Variants in PRRC2A observed in about 807,000 individuals in gnomAD.
The protein encoded by PRRC2A is protein PRRC2A.
A neutral mutation model predicts 224.6 loss-of-function variants in PRRC2A; 59 were observed. The ratio of observed to expected loss-of-function variants is 0.26; its 90% CI spans 0.21 to 0.33. The LOEUF is 0.33. PRRC2A is among the 10% of genes least tolerant of loss of function. PRRC2A has a pLI of 1.00. For synonymous variants in PRRC2A, 1,194 were observed against 1,109.5 expected, an observed-to-expected ratio of 1.08 and a Z score of -1.51; for missense variants, 3,095 against 2,880.7, an observed-to-expected ratio of 1.07 and a Z score of -1.70.
At chr6:31,633,691 G>A (rs1776958671) in intron 17 of PRRC2A, 44 bp downstream of exon 17, 4 of 1,571,976 alleles carry the variant, frequency 2.5e-6, no homozygotes, top group African/African-American at 1.4e-5. Context: ...CATCCCCAGA[G>A]AAGGTCAAGT....
In PRRC2A at chr6:31,634,955, C is replaced by T. The variant is rs986031695; in HGVS notation, c.5138C>T (p.Ala1713Val). The change falls in exon 21 of 31, where the codon GCC becomes GTC. Residue 1713 changes from alanine (A) to valine (V), a missense_variant. This residue lies in a region of PRRC2A where 662 missense variants were observed against 609.5 expected (regional missense o/e 1.09). Transcript: ENST00000376033. ...GAACCTCCTAGGAGACCACCACCTG[C>T]CCCCCACGATGGGGACAGAAAGGTA... ...GSEPPRRPPP[A>V]PHDGDRKELP... 3 of 1,612,600 alleles carry T rather than the reference C, an allele frequency of 1.9e-6. No homozygotes were observed. The highest frequency in any genetic ancestry group is 2.7e-5 in the African/African-American group (2 of 75,032).
At position 31,637,118 on chromosome 6, in the gene PRRC2A, G is replaced by C. The variant is rs770640364; in HGVS notation, c.6224G>C (p.Arg2075Pro). 6.2e-7 allele frequency: 1 copy of C among 1,610,890 alleles called. No homozygotes were observed. Among genetic ancestry groups the C allele is most frequent in the South Asian group, 1.1e-5 (1 of 90,816 alleles). Residue 2075 changes from arginine (R) to proline (P), a missense_variant, in exon 29 of 31, where the codon CGG becomes CCG. Arg to Pro is a moderately radical substitution (Grantham distance 103). Coordinates refer to ENST00000376033, the MANE Select transcript of PRRC2A (RefSeq NM_004638.4). ...AACCTTGGGGGACCTGGATCATCAC[G>C]GACTCCCCCAACTGGAAGGTGAAAC... ...SSNLGGPGSSRTPPTGRSFSG... is the reference protein window; with the variant it reads ...SSNLGGPGSSPTPPTGRSFSG...
chr6:31,623,695 G>A (rs758759890), intron 2 of PRRC2A, 37 bp from the exon 3 acceptor site: 2 of 1,606,880 alleles, frequency 1.2e-6, no homozygotes, highest in Non-Finnish European at 1.7e-6. Flanking sequence ...TCTCCCACAT[G>A]AGGCATTTTC....
chr6:31,627,790 C>T lies in PRRC2A; in HGVS notation c.1316C>T (p.Pro439Leu), dbSNP rs549252733. 2.7e-5 allele frequency: 43 copies of T among 1,612,892 alleles called. No individual in the cohort carries two copies. Among genetic ancestry groups the T allele is most frequent in the Admixed American group, 3.3e-5 (2 of 60,032 alleles). ...GATCGTGGGGGTCCTCCCTGCAAGC[C>T]CCCAGCACCTGAAGATGAGGATGAG... is the stretch of plus-strand genomic sequence containing the variant. ...YPDRGGPPCK[P>L]PAPEDEDEAW... is the part of the protein sequence containing the mutation. Residue 439 changes from proline to leucine, a missense_variant, in exon 12 of 31, where the codon CCC becomes CTC. Physicochemically the swap from Pro to Leu is moderately conservative, Grantham distance 98. Transcript: ENST00000376033. The surrounding 1 kb of genome is among the most constrained non-coding windows in gnomAD (Gnocchi z 5.6).
intron 18 of PRRC2A, 30 bp downstream of exon 18, chr6:31,634,019 C>G (rs1489970264): frequency 1.3e-6 from 2 of 1,593,992 alleles, no homozygotes; most frequent in South Asian, 1.1e-5. Context: ...TTGTGCTTCA[C>G]TGCACTCTTA....
chr6:31,635,733 G>A lies in PRRC2A; in HGVS notation c.5525G>A (p.Gly1842Glu). The A allele has an allele frequency of 6.3e-7, 1 of 1,590,232 alleles. No individual in the cohort carries two copies. The highest frequency in any genetic ancestry group is 8.6e-7 in the Non-Finnish European group (1 of 1,169,360). ...CCTGAGGTTTTCTATGGCAGTGCTG[G>A]GCCTTCCAGTTCTCAGGTAGGCCCC... ...LYPEVFYGSA[G>E]PSSSQISGGA... Residue 1842 changes from glycine (G) to glutamate (E), a missense_variant, in exon 24 of 31, where the codon GGG (glycine) becomes GAG (glutamate). Gly to Glu is a moderately conservative substitution (Grantham distance 98). Around this residue, in one of 8 missense-constraint regions of PRRC2A, gnomAD observed 662 missense variants for 609.5 expected, o/e 1.09. Coordinates refer to ENST00000376033, the MANE Select transcript of PRRC2A (RefSeq NM_004638.4).
intron 5 of PRRC2A, 89 bp downstream of exon 5, chr6:31,624,611 C>A: frequency 7.0e-7 from 1 of 1,418,570 alleles, no homozygotes; most frequent in Non-Finnish European, 9.9e-7. Flanking sequence ...TGACCTTGGT[C>A]CTCTTTGGCT....
chr6:31,622,682 C>A lies in PRRC2A; in HGVS notation c.-100-8C>A. 1 of 762,010 alleles carries A rather than the reference C, an allele frequency of 1.3e-6. No individual in the cohort carries two copies. The highest frequency in any genetic ancestry group is 2.2e-6 in the Non-Finnish European group (1 of 445,472). The allele number at this position is 762,010 out of a possible 1,614,324, so 47.2% of individuals were successfully genotyped here. ...GGAGTTTTTAAGTTTCTGTTATGGT[C>A]TGTACAGGGGACAGAGACTGAGACA... On this transcript the variant is annotated splice_region_variant and splice_polypyrimidine_tract_variant and intron_variant, in intron 1 of 30. Transcript: ENST00000376033.
intron 9 of PRRC2A, 21 bp from the exon 10 acceptor site, chr6:31,626,751 A>C: frequency 1.3e-5 from 20 of 1,557,530 alleles, no homozygotes; most frequent in Non-Finnish European, 1.7e-5. Flanking sequence ...TTGGGTTACT[A>C]ATACTCATAT....
intron 1 of PRRC2A, 136 bp downstream of exon 1, chr6:31,620,994 C>T (rs975681793): frequency 1.6e-4 from 25 of 154,496 alleles, no homozygotes; most frequent in South Asian, 8.4e-4. Context: ...TTTTGTCCTC[C>T]TGCTGCCGGG....
chr6:31,631,071 G>T lies in PRRC2A; in HGVS notation c.2466-68G>T. The T allele has an allele frequency of 7.2e-7, 1 of 1,389,990 alleles. No homozygotes were observed. The highest frequency in any genetic ancestry group is 9.8e-7 in the Non-Finnish European group (1 of 1,023,788). The allele number at this position is 1,389,990 out of a possible 1,614,324, so 86.1% of individuals were successfully genotyped here. On this transcript the variant is annotated intron_variant, in intron 15 of 30. Coordinates refer to ENST00000376033, the MANE Select transcript of PRRC2A (RefSeq NM_004638.4). This position sits in a 1 kb window ranked among gnomAD's most constrained non-coding sequence, Gnocchi z 4.5. ...AAGAGAGTCTGCATCATAATAAAGT[G>T]TTCTTTTCCCACCTAGTTCTGGTTT...
At chr6:31,626,718 C>T (rs1289323256) in intron 9 of PRRC2A, 54 bp from the exon 10 acceptor site, 4 of 1,485,308 alleles carry the variant, frequency 2.7e-6, no homozygotes, top group East Asian at 2.5e-5. Context: ...CAGACTACCT[C>T]CCAAGATTGG....
intron 1 of PRRC2A, among the ~76,000 whole-genome samples, chr6:31,622,283 A>G (rs996012789): frequency 1.3e-5 from 2 of 152,248 alleles, no homozygotes; most frequent in Non-Finnish European, 2.9e-5. Context: ...CTTGTGTCCA[A>G]TAAACAGGGA....
chr6:31,626,877 T>C lies in PRRC2A; in HGVS notation c.1073+15T>C. The C allele has an allele frequency of 6.2e-7, 1 of 1,612,202 alleles. No individual in the cohort carries two copies. The highest frequency in any genetic ancestry group is 8.5e-7 in the Non-Finnish European group (1 of 1,179,210). On this transcript the variant is annotated intron_variant, in intron 10 of 30. Transcript: ENST00000376033. ...GCTGAGGGCCAGTGAGTTAGGGCCATCAGGGGAGAAGAGGAGGGGGTCTTG... is the reference window on the plus strand; with the variant it reads ...GCTGAGGGCCAGTGAGTTAGGGCCACCAGGGGAGAAGAGGAGGGGGTCTTG...
Position 31,631,015 on chromosome 6 carries a change from A to G in PRRC2A, c.2466-124A>G, listed in dbSNP as rs79814110. On this transcript the variant is annotated intron_variant, in intron 15 of 30. Transcript: ENST00000376033. The surrounding 1 kb of genome is among the most constrained non-coding windows in gnomAD (Gnocchi z 4.5). ...AGACTAGCCTCGGCAACTGGATGCC[A>G]TCTCTGCCAAAACAAACAGAAAAAT... 3.8e-3 allele frequency: 4,733 copies of G among 1,256,634 alleles called. 37 individuals are homozygous for G. Among genetic ancestry groups the G allele is most frequent in the African/African-American group, 0.034 (2,282 of 66,564 alleles). The allele number at this position is 1,256,634 out of a possible 1,614,324, so 77.8% of individuals were successfully genotyped here.
chr6:31,628,280 T>C (rs1296666939), intron 12 of PRRC2A, 41 bp downstream of exon 12: 1 of 1,564,952 alleles, frequency 6.4e-7, no homozygotes, highest in Admixed American at 1.8e-5. Context: ...GTCAGATCAC[T>C]GCTTCAAGGT....
chr6:31,632,663 C>T lies in PRRC2A; in HGVS notation c.3990C>T (p.Phe1330=). 2 of 1,613,114 alleles carry T rather than the reference C, an allele frequency of 1.2e-6. No homozygotes were observed. The highest frequency in any genetic ancestry group is 1.7e-6 in the Non-Finnish European group (2 of 1,180,044). ...EWETASESSD[F]TSERRGDKEA... Reference sequence around the variant, plus strand: ...AGACTGCATCAGAGAGCAGTGACTTCACCAGTGAGCGCCGAGGGGACAAAG... The same window carrying T: ...AGACTGCATCAGAGAGCAGTGACTTTACCAGTGAGCGCCGAGGGGACAAAG... Residue 1330 remains phenylalanine, a synonymous_variant, in exon 16 of 31, where the codon TTC becomes TTT. Coordinates refer to ENST00000376033, the MANE Select transcript of PRRC2A (RefSeq NM_004638.4).
chr6:31,625,589 A>T lies in PRRC2A; in HGVS notation c.737A>T (p.Tyr246Phe). 6.4e-7 allele frequency: 1 copy of T among 1,570,888 alleles called. No individual in the cohort carries two copies. The highest frequency in any genetic ancestry group is 8.6e-7 in the Non-Finnish European group (1 of 1,157,042). Residue 246 changes from tyrosine (Y) to phenylalanine (F), a missense_variant, in exon 7 of 31, where the codon TAC becomes TTC. This residue lies in a region of PRRC2A where 287 missense variants were observed against 275.3 expected (regional missense o/e 1.04). Transcript: ENST00000376033. The surrounding 1 kb of genome is among the most constrained non-coding windows in gnomAD (Gnocchi z 4.1). ...QPSGPPQFPP[Y>F]RGMMPPFMYP... ...TCAGGCCCACCCCAGTTCCCTCCCT[A>T]CCGCGGAATGATGCCGCCTTTCGTG...
chr6:31,632,980 C>T lies in PRRC2A; in HGVS notation c.4307C>T (p.Pro1436Leu). The T allele has an allele frequency of 6.4e-7, 1 of 1,572,842 alleles. No homozygotes were observed. Among genetic ancestry groups the T allele is most frequent in the South Asian group, 1.1e-5 (1 of 87,612 alleles). ...GRGDKRSWPSPKNRSRPPEER... is the reference protein window; with the variant it reads ...GRGDKRSWPSLKNRSRPPEER... Reference sequence around the variant, plus strand: ...GGCGACAAGAGGAGCTGGCCCTCTCCCAAGAACCGAAGGTGGGTAGGAACA... The same window carrying T: ...GGCGACAAGAGGAGCTGGCCCTCTCTCAAGAACCGAAGGTGGGTAGGAACA... The change falls in exon 16 of 31, where the codon CCC becomes CTC. Residue 1436 changes from proline to leucine, a missense_variant. By Grantham distance (98) the Pro-to-Leu change is moderately conservative (BLOSUM62 -3). Coordinates refer to ENST00000376033, the MANE Select transcript of PRRC2A (RefSeq NM_004638.4).
Sources: gnomAD v4.1 joint callset for allele counts (sites outside exome capture counted in the v4.1 genomes callset) on GRCh38, gnomAD v4.1.1 for gene constraint, gnomAD v4.1.1 regional missense constraint, Gnocchi (gnomAD v3.1) non-coding constraint, MANE v1.5 for transcripts, NCBI Gene and HGNC (gene_info 2026-07-23, HGNC 2026-07-21) for gene names.